TRABD2B: variants seen among roughly 807,000 people sequenced by gnomAD.
TRABD2B encodes TraB domain containing 2B, also known as metalloprotease TIKI2.
Under a neutral mutation model 40.1 loss-of-function variants are expected in TRABD2B, and 14 were observed. That is an observed-to-expected ratio of 0.35 (90% CI 0.23 to 0.55). The LOEUF (loss-of-function observed/expected upper bound fraction) is 0.55, where lower values mean the gene tolerates loss of function less well. Among genes scored for constraint, TRABD2B ranks in the 20% least tolerant of loss-of-function variants. The pLI is 0.90. For missense variants in TRABD2B, 541 were observed against 648.6 expected, an observed-to-expected ratio of 0.83 and a Z score of 1.80; for synonymous variants, 263 against 277.0, an observed-to-expected ratio of 0.95 and a Z score of 0.50.
At chr1:47,879,586 C>G (rs1340212) in intron 2 of TRABD2B, among the ~76,000 whole-genome samples, 2,600 of 152,350 alleles carry the variant, frequency 0.017, 41 homozygotes, top group Non-Finnish European at 0.029. Flanking sequence ...TCATGCATGA[C>G]TCTATACCTG....
chr1:47,769,574 G>A (rs1644352433), intron 6 of TRABD2B, among the ~76,000 whole-genome samples: 1 of 152,192 alleles, frequency 6.6e-6, no homozygotes. Flanking sequence ...GCCTGATTCT[G>A]CTCACAAAGC....
intron 2 of TRABD2B, among the ~76,000 whole-genome samples, chr1:47,808,870 A>C (rs1163092007): frequency 6.6e-6 from 1 of 152,174 alleles, no homozygotes; most frequent in East Asian, 1.9e-4. Context: ...CCAGTCTTTG[A>C]GGCCCAGGTT....
chr1:47,896,115 C>T (rs776988574), intron 2 of TRABD2B, among the ~76,000 whole-genome samples: 1 of 152,220 alleles, frequency 6.6e-6, no homozygotes, highest in Non-Finnish European at 1.5e-5. Context: ...CCTGCTGGCC[C>T]CTCCAAACAA....
At chr1:47,893,427 C>T (rs1306478190) in intron 2 of TRABD2B, among the ~76,000 whole-genome samples, 1 of 152,098 alleles carries the variant, frequency 6.6e-6, no homozygotes, top group Non-Finnish European at 1.5e-5. Context: ...CATCACATAC[C>T]ATCTGGGGGA....
At chr1:47,778,167 A>G (rs1644473092) in intron 5 of TRABD2B, among the ~76,000 whole-genome samples, 1 of 152,136 alleles carries the variant, frequency 6.6e-6, no homozygotes, top group African/African-American at 2.4e-5. Flanking sequence ...CAGGAGTTCT[A>G]CTGAGTCCCT....
chr1:47,880,079 G>A (rs1644281371), intron 2 of TRABD2B, among the ~76,000 whole-genome samples: 1 of 152,240 alleles, frequency 6.6e-6, no homozygotes, highest in Admixed American at 6.5e-5. Flanking sequence ...GAAGGCTCAG[G>A]TGGGCAGATC....
intron 2 of TRABD2B, among the ~76,000 whole-genome samples, chr1:47,974,205 C>T (rs1384864914): frequency 6.6e-6 from 1 of 152,164 alleles, no homozygotes. Flanking sequence ...TACCTGTAGG[C>T]CAGGTGAGAT....
At chr1:47,838,350 T>C (rs564800380) in intron 2 of TRABD2B, among the ~76,000 whole-genome samples, 5 of 152,266 alleles carry the variant, frequency 3.3e-5, no homozygotes, top group East Asian at 3.9e-4. Flanking sequence ...TCAATGCCCA[T>C]AGCAGAATGG....
intron 2 of TRABD2B, among the ~76,000 whole-genome samples, chr1:47,913,169 T>G (rs540240136): frequency 9.8e-4 from 149 of 152,300 alleles, no homozygotes; most frequent in South Asian, 2.7e-3. Context: ...CCCAAGCTTC[T>G]CCTCTCCATG....
rs144965881 is a variant in TRABD2B, at chr1:47,962,250, T to A, written c.666+31784A>T. ...ATGGGGGAGGGATAGCATTAGGAGA[T>A]ATACCTAATGTAAATGACGAGTTAA... On this transcript the variant is annotated intron_variant, in intron 2 of 6. Coordinates refer to ENST00000606738, the MANE Select transcript of TRABD2B (RefSeq NM_001194986.2). 7.6e-4 allele frequency among the ~76,000 whole-genome samples: 115 copies of A among 152,094 alleles called. 1 individual carries two copies. Among genetic ancestry groups the A allele is most frequent in the African/African-American group, 2.6e-3 (107 of 41,480 alleles).
chr1:47,987,420 G>A (rs1484972607), intron 2 of TRABD2B, among the ~76,000 whole-genome samples: 1 of 152,140 alleles, frequency 6.6e-6, no homozygotes, highest in Non-Finnish European at 1.5e-5. Context: ...GAGCCTCAGA[G>A]TTTGGATTTA....
Position 47,997,268 on chromosome 1 carries a change from G to C in TRABD2B, c.-479C>G. Reference sequence around the variant, plus strand: ...GCGGCGGAAGGCGCGGCAGGGGTGGGGGGCGGCTCTGGGGCGACCGGCTGC... The same window carrying C: ...GCGGCGGAAGGCGCGGCAGGGGTGGCGGGCGGCTCTGGGGCGACCGGCTGC... On this transcript the variant is annotated 5_prime_UTR_variant, in exon 1 of 7. Coordinates refer to ENST00000606738, the MANE Select transcript of TRABD2B (RefSeq NM_001194986.2). 1.0e-6 allele frequency: 1 copy of C among 972,214 alleles called. No individual in the cohort carries two copies. 60.2% of individuals were successfully genotyped at this position (972,214 alleles called of 1,614,324 possible).
chr1:47,867,122 T>C (rs1052804663), intron 2 of TRABD2B, among the ~76,000 whole-genome samples: 1 of 152,230 alleles, frequency 6.6e-6, no homozygotes, highest in South Asian at 2.1e-4. Context: ...AAATCACTCT[T>C]GGCTGTCATG....
In TRABD2B at chr1:47,887,386, G is replaced by A. The variant is rs113731605; in HGVS notation, c.667-85767C>T. Among the ~76,000 whole-genome samples the A allele has an allele frequency of 5.3e-5, 8 of 151,924 alleles. 2 individuals are homozygous for A. Among genetic ancestry groups the A allele is most frequent in the African/African-American group, 1.9e-4 (8 of 41,466 alleles). On this transcript the variant is annotated intron_variant, in intron 2 of 6. Transcript: ENST00000606738. ...CTACTAGCTCTCTCAGTCTGTGGAGGATGCCCTTATGCCTAGTGGTTTTAT... is the reference window on the plus strand; with the variant it reads ...CTACTAGCTCTCTCAGTCTGTGGAGAATGCCCTTATGCCTAGTGGTTTTAT...
intron 2 of TRABD2B, among the ~76,000 whole-genome samples, chr1:47,948,519 A>G (rs1249871186): frequency 6.6e-6 from 1 of 152,014 alleles, no homozygotes; most frequent in East Asian, 1.9e-4. Flanking sequence ...TCAGATTTAA[A>G]CCTCGAATGT....
chr1:47,949,410 T>C (rs975718693), intron 2 of TRABD2B, among the ~76,000 whole-genome samples: 3 of 139,262 alleles, frequency 2.2e-5, no homozygotes, highest in South Asian at 2.6e-4. Flanking sequence ...TCTTTTTTTT[T>C]TTTTTTTTTT....
intron 2 of TRABD2B, among the ~76,000 whole-genome samples, chr1:47,854,743 T>C (rs1029581795): frequency 1.1e-4 from 16 of 152,184 alleles, no homozygotes; most frequent in African/African-American, 3.4e-4. Context: ...GTAACAGAGG[T>C]AGAATTCAAG....
chr1:47,956,077 G>C (rs1645417266), intron 2 of TRABD2B, among the ~76,000 whole-genome samples: 2 of 152,186 alleles, frequency 1.3e-5, no homozygotes, highest in Non-Finnish European at 2.9e-5. Context: ...GTGGGGGTGG[G>C]AGGTGGTGAG....
chr1:47,830,848 A>C (rs1645238500), intron 2 of TRABD2B, among the ~76,000 whole-genome samples: 1 of 152,220 alleles, frequency 6.6e-6, no homozygotes, highest in East Asian at 1.9e-4. Flanking sequence ...GTTATGAAGC[A>C]AATCTCTGTT....
Sources: gnomAD v4.1 joint callset for allele counts (sites outside exome capture counted in the v4.1 genomes callset) on GRCh38, gnomAD v4.1.1 for gene constraint, MANE v1.5 for transcripts, NCBI Gene and HGNC (gene_info 2026-07-23, HGNC 2026-07-21) for gene names.